LRP1B: variants seen among roughly 807,000 people sequenced by gnomAD.
LRP1B encodes LDL receptor related protein 1B, also known as low-density lipoprotein receptor-related protein 1B.
In LRP1B, 217 loss-of-function variants were observed where a neutral mutation model predicts 556.6. That is an observed-to-expected ratio of 0.39 (90% CI 0.35 to 0.44). The LOEUF is 0.44. Ranked by LOEUF, LRP1B falls within the 20% of genes least tolerant of loss-of-function variation. LRP1B has a pLI of 1.00. For synonymous variants in LRP1B, 2,047 were observed against 1,865.8 expected, an observed-to-expected ratio of 1.10 and a Z score of -2.50; for missense variants, 5,053 against 5,620.8, an observed-to-expected ratio of 0.90 and a Z score of 3.23.
intron 3 of LRP1B, among the ~76,000 whole-genome samples, chr2:141,362,283 A>G (rs1688852604): frequency 6.6e-6 from 1 of 152,228 alleles, no homozygotes; most frequent in Admixed American, 6.5e-5. Context: ...ATCCTTTTCC[A>G]AAGAGATGAT....
chr2:140,712,495 T>C (rs535929912), intron 37 of LRP1B, among the ~76,000 whole-genome samples: 2 of 152,104 alleles, frequency 1.3e-5, no homozygotes, highest in South Asian at 2.1e-4. Context: ...GCTCCTCCTA[T>C]GCTCCCTGGA....
At chr2:141,192,189 G>A (rs536599738) in intron 6 of LRP1B, among the ~76,000 whole-genome samples, 1 of 151,984 alleles carries the variant, frequency 6.6e-6, no homozygotes, top group African/African-American at 2.4e-5. Flanking sequence ...GAGGCAATTA[G>A]ACAAAGAGTT....
chr2:141,467,124 CTATATATATATATATAT>C (rs1682255690), intron 3 of LRP1B, among the ~76,000 whole-genome samples: 130 of 8,612 alleles, frequency 0.015, 5 homozygotes, highest in African/African-American at 0.02. Context: ...ATATATATAT[CTATATATATATATATAT>C]ATATATATAT....
At position 141,630,054 on chromosome 2, in the gene LRP1B, C is replaced by G. The variant is rs116248795; in HGVS notation, c.206-149521G>C. Among the ~76,000 whole-genome samples the G allele has an allele frequency of 6.4e-3, 979 of 152,254 alleles. 14 individuals carry two copies. The highest frequency in any genetic ancestry group is 0.022 in the African/African-American group (935 of 41,560). On this transcript the variant is annotated intron_variant, in intron 2 of 90. Coordinates refer to ENST00000389484, the MANE Select transcript of LRP1B (RefSeq NM_018557.3). ...TAACTTCATCCAAGGTCCCTCACCCCCTATAGCTAACAAAAGGCAATATTC... is the reference window on the plus strand; with the variant it reads ...TAACTTCATCCAAGGTCCCTCACCCGCTATAGCTAACAAAAGGCAATATTC...
intron 66 of LRP1B, among the ~76,000 whole-genome samples, chr2:140,387,308 G>A (rs1194616060): frequency 1.3e-5 from 2 of 152,050 alleles, no homozygotes; most frequent in African/African-American, 4.8e-5. Context: ...AAGTGACTTA[G>A]GTATACTTAT....
intron 41 of LRP1B, among the ~76,000 whole-genome samples, chr2:140,629,595 A>G (rs1490868000): frequency 1.3e-5 from 2 of 152,224 alleles, no homozygotes; most frequent in Non-Finnish European, 2.9e-5. Flanking sequence ...CATAAAATGG[A>G]ATACTATGTA....
chr2:141,944,731 A>G (rs1167708384), intron 1 of LRP1B, among the ~76,000 whole-genome samples: 1 of 152,218 alleles, frequency 6.6e-6, no homozygotes, highest in East Asian at 1.9e-4. Flanking sequence ...GGACTAAAAA[A>G]TGAGAATACA....
rs2105001152 is a variant in LRP1B, at chr2:140,297,941, A to C, written c.12834T>G (p.Gly4278=). The change falls in exon 84 of 91, where the codon GGT becomes GGG. Residue 4278 remains glycine (G), a synonymous_variant. Transcript: ENST00000389484. ...TCTTACCACAGTTTGGCCCAGTGAA[A>C]CCCAGTGCACAGCTGCAGGTGGGTC... ...LGRPTCSCAL[G]FTGPNCGKTV... The C allele has an allele frequency of 6.2e-7, 1 of 1,613,144 alleles. No individual in the cohort carries two copies. The highest frequency in any genetic ancestry group is 8.5e-7 in the Non-Finnish European group (1 of 1,179,278).
intron 1 of LRP1B, among the ~76,000 whole-genome samples, chr2:141,876,777 G>A (rs1432519572): frequency 6.6e-6 from 1 of 151,638 alleles, no homozygotes; most frequent in African/African-American, 2.4e-5. Context: ...CATTATCGAG[G>A]GTAATTAGAA....
rs532940275 is a variant in LRP1B, at chr2:140,632,923, C to T, written c.6800-31284G>A. ...CTAAAAATACAAAAAATTAGCCTGG[C>T]GTGATGGCAGGCACCTGTAGTCCCA... On this transcript the variant is annotated intron_variant, in intron 41 of 90. Transcript: ENST00000389484. Among the ~76,000 whole-genome samples the T allele has an allele frequency of 2.0e-5, 3 of 151,818 alleles. 1 individual carries two copies. Among genetic ancestry groups the T allele is most frequent in the African/African-American group, 7.2e-5 (3 of 41,426 alleles).
intron 84 of LRP1B, among the ~76,000 whole-genome samples, chr2:140,294,818 A>G (rs916890655): frequency 3.0e-4 from 45 of 152,196 alleles, no homozygotes; most frequent in African/African-American, 1.1e-3. Flanking sequence ...TGTTGTGAGG[A>G]GGGGAATGAG....
chr2:142,066,471 C>A (rs1444978500), intron 1 of LRP1B, among the ~76,000 whole-genome samples: 1 of 151,510 alleles, frequency 6.6e-6, no homozygotes, highest in East Asian at 1.9e-4. Context: ...TCTGCCATTA[C>A]ATAACAAGGG....
In LRP1B at chr2:140,841,080, A is replaced by G; in HGVS notation, c.4952T>C (p.Ile1651Thr). The G allele has an allele frequency of 6.2e-7, 1 of 1,606,722 alleles. No individual in the cohort carries two copies. Among genetic ancestry groups the G allele is most frequent in the Non-Finnish European group, 8.5e-7 (1 of 1,175,752 alleles). ...CACCCAATCCACTGCTAGCCCTCTG[A>G]TACTCTGAATATCTATAAAACAGGA... ...ETVISRDIQS[I>T]RGLAVDWVSR... The change falls in exon 30 of 91, where the codon ATC (isoleucine) becomes ACC (threonine). Residue 1651 changes from isoleucine to threonine, a missense_variant. By Grantham distance (89) the Ile-to-Thr change is moderately conservative. Coordinates refer to ENST00000389484, the MANE Select transcript of LRP1B (RefSeq NM_018557.3).
chr2:140,338,541 C>A (rs945500368), intron 77 of LRP1B, among the ~76,000 whole-genome samples: 2 of 151,624 alleles, frequency 1.3e-5, no homozygotes, highest in Non-Finnish European at 3.0e-5. Flanking sequence ...ATAATCTCTA[C>A]CATTCACATC....
intron 1 of LRP1B, among the ~76,000 whole-genome samples, chr2:142,068,855 T>A (rs1705205147): frequency 6.6e-6 from 1 of 151,666 alleles, no homozygotes; most frequent in African/African-American, 2.4e-5. Context: ...TCTGTGATAA[T>A]AATTTATTTA....
rs879440762 is a variant in LRP1B at position 141,858,984 on chromosome 2, A to AGGCCATCAG, written c.83-48584_83-48583insCTGATGGCC. Among the ~76,000 whole-genome samples, 951 of 152,230 alleles carry AGGCCATCAG rather than the reference A, an allele frequency of 6.2e-3. 7 individuals carry two copies. Among genetic ancestry groups the AGGCCATCAG allele is most frequent in the Non-Finnish European group, 9.1e-3 (622 of 68,002 alleles). ...GAGAACATCAGGAAAAGCCCCTGGA[A>AGGCCATCAG]TACTTTCTAGCAAGGCCATCAGTCA... On this transcript the variant is annotated intron_variant, in intron 1 of 90. Coordinates refer to ENST00000389484, the MANE Select transcript of LRP1B (RefSeq NM_018557.3).
chr2:141,569,598 T>A (rs1686456873), intron 2 of LRP1B, among the ~76,000 whole-genome samples: 1 of 151,042 alleles, frequency 6.6e-6, no homozygotes, highest in Admixed American at 6.6e-5. Flanking sequence ...TACAGAATAA[T>A]AGAAATGTTT....
At chr2:140,956,363 A>T (rs1695873170) in intron 18 of LRP1B, among the ~76,000 whole-genome samples, 1 of 151,824 alleles carries the variant, frequency 6.6e-6, no homozygotes, top group African/African-American at 2.4e-5. Flanking sequence ...AATACTTTTG[A>T]AAGAGTATTT....
chr2:140,692,855 G>A (rs905095171), intron 41 of LRP1B, among the ~76,000 whole-genome samples: 1 of 143,650 alleles, frequency 7.0e-6, no homozygotes, highest in Non-Finnish European at 1.5e-5. Flanking sequence ...TGTGAAATCT[G>A]TTCTTACCCT....
Sources: allele counts gnomAD v4.1 joint callset (sites outside exome capture counted in the v4.1 genomes callset), GRCh38; gene constraint gnomAD v4.1.1; transcripts MANE v1.5; gene names NCBI Gene and HGNC (gene_info 2026-07-23, HGNC 2026-07-21).